UACA: variants seen among roughly 807,000 people sequenced by gnomAD.
The protein encoded by UACA is nuclear membrane binding protein.
Under a neutral mutation model 160.5 loss-of-function variants are expected in UACA, and 112 were observed. The observed-to-expected ratio is 0.70, with a 90% CI of 0.60 to 0.82. UACA has a LOEUF of 0.82. Among genes scored for constraint, UACA ranks in the 40% least tolerant of loss-of-function variants. UACA has a pLI of 0.00. For synonymous variants in UACA, 557 were observed against 568.4 expected, an observed-to-expected ratio of 0.98 and a Z score of 0.29; for missense variants, 1,574 against 1,614.6, an observed-to-expected ratio of 0.97 and a Z score of 0.43.
At chr15:70,745,914 GA>G (rs1352621667) in intron 1 of UACA, among the ~76,000 whole-genome samples, 27 of 152,254 alleles carry the variant, frequency 1.8e-4, no homozygotes, top group African/African-American at 6.3e-4. Flanking sequence ...GCCATATGCG[GA>G]AAACTGGCTA....
intron 1 of UACA, among the ~76,000 whole-genome samples, chr15:70,718,309 GGAGAGA>G (rs367584436): frequency 1.7e-5 from 2 of 115,402 alleles, no homozygotes; most frequent in Non-Finnish European, 3.7e-5. Flanking sequence ...AGAGGGAGAG[GGAGAGA>G]GAGAGAGAAT....
chr15:70,725,202 A>T (rs1322098593), intron 1 of UACA, among the ~76,000 whole-genome samples: 1 of 152,244 alleles, frequency 6.6e-6, no homozygotes, highest in South Asian at 2.1e-4. Context: ...GCATAATGAT[A>T]TAAAAAATCT....
intron 2 of UACA, 86 bp from the exon 3 acceptor site, chr15:70,695,191 C>T (rs942211497): frequency 3.7e-5 from 28 of 765,696 alleles, no homozygotes; most frequent in Non-Finnish European, 5.4e-5. Flanking sequence ...TTTTTCAACA[C>T]ACACACACGC....
chr15:70,769,822 C>A, the UACA span, among the ~76,000 whole-genome samples: 1 of 151,976 alleles, frequency 6.6e-6, no homozygotes. Context: ...TATGGTGAAA[C>A]CCCATCTCTA....
chr15:70,758,437 A>G (rs1258464053), intron 1 of UACA: 4 of 152,160 alleles, frequency 2.6e-5, no homozygotes, highest in South Asian at 2.1e-4. Flanking sequence ...AAGTATCATG[A>G]GTTTAAACTA....
chr15:70,713,136 A>T (rs542077627), intron 1 of UACA, among the ~76,000 whole-genome samples: 1 of 152,268 alleles, frequency 6.6e-6, no homozygotes, highest in South Asian at 2.1e-4. Context: ...TGAGGTCAGG[A>T]GATTGAGACC....
intron 17 of UACA, among the ~76,000 whole-genome samples, chr15:70,662,637 C>G (rs1318477352): frequency 2.6e-5 from 4 of 152,194 alleles, no homozygotes; most frequent in South Asian, 2.1e-4. Context: ...GTAACCAAAA[C>G]AGCATGCTAC....
intron 14 of UACA, 119 bp from the exon 15 acceptor site, chr15:70,671,210 C>T (rs1172656112): frequency 3.3e-6 from 2 of 605,992 alleles, no homozygotes; most frequent in Non-Finnish European, 2.8e-6. Flanking sequence ...AGGTACAACA[C>T]AAAAGTATCC....
intron 1 of UACA, among the ~76,000 whole-genome samples, chr15:70,707,871 C>T (rs372194277): frequency 9.2e-5 from 14 of 152,202 alleles, no homozygotes; most frequent in African/African-American, 2.9e-4. Flanking sequence ...GGTGATTCCT[C>T]GAAAAATTAT....
At chr15:70,672,709 A>G (rs1198372878) in intron 13 of UACA, among the ~76,000 whole-genome samples, 1 of 152,212 alleles carries the variant, frequency 6.6e-6, no homozygotes, top group Non-Finnish European at 1.5e-5. Flanking sequence ...CTGTAATCCC[A>G]GCACTTTGGA....
At position 70,713,151 on chromosome 15, in the gene UACA, T is replaced by C. The variant is rs367749599; in HGVS notation, c.79-13491A>G. ...TGAGGTCAGGAGATTGAGACCATCC[T>C]GGCTAACACAGTGATGTATTTTTAG... is the stretch of plus-strand genomic sequence containing the variant. On this transcript the variant is annotated intron_variant, in intron 1 of 18. Transcript: ENST00000322954. Among the ~76,000 whole-genome samples, 15 of 152,286 alleles carry C rather than the reference T, an allele frequency of 9.8e-5. No homozygotes were observed. The East Asian group carries it at 2.5e-3, about 25-fold the overall frequency.
Position 70,660,413 on chromosome 15 carries a change from G to A in UACA, c.4114-197C>T, listed in dbSNP as rs552796316. 340 of 524,288 alleles carry A rather than the reference G, an allele frequency of 6.5e-4. 1 individual carries two copies. Among genetic ancestry groups the A allele is most frequent in the Admixed American group, 1.3e-3 (34 of 27,118 alleles). The allele number at this position is 524,288 out of a possible 1,614,324, so 32.5% of individuals were successfully genotyped here. A position where few individuals can be genotyped will look rare whatever the true frequency, so the allele number is the denominator to read the frequency against. On this transcript the variant is annotated intron_variant, in intron 17 of 18. Coordinates refer to ENST00000322954, the MANE Select transcript of UACA (RefSeq NM_018003.4). ...TATAAACTTCTGTAAAGAATGTGTGGCTAATGACAGTAATGCTACTTTCCC... is the reference window on the plus strand; with the variant it reads ...TATAAACTTCTGTAAAGAATGTGTGACTAATGACAGTAATGCTACTTTCCC...
At chr15:70,696,031 A>G (rs777620247) in intron 2 of UACA, among the ~76,000 whole-genome samples, 2 of 152,206 alleles carry the variant, frequency 1.3e-5, no homozygotes, top group Non-Finnish European at 2.9e-5. Context: ...TCAAGTAGAA[A>G]TAGAACTGAG....
intron 1 of UACA, chr15:70,703,116 C>T (rs1898422391): frequency 7.8e-7 from 1 of 1,289,136 alleles, no homozygotes; most frequent in Non-Finnish European, 1.0e-6. Context: ...CGATAGCATA[C>T]TTGTATCAAC....
intron 4 of UACA, 35 bp downstream of exon 4, chr15:70,691,264 A>T: frequency 6.8e-7 from 1 of 1,468,968 alleles, no homozygotes; most frequent in Non-Finnish European, 9.3e-7. Context: ...TTGTTGTCAA[A>T]ATAATAAAGC....
chr15:70,749,923 G>C (rs2141010616), intron 1 of UACA, among the ~76,000 whole-genome samples: 1 of 152,232 alleles, frequency 6.6e-6, no homozygotes, highest in South Asian at 2.1e-4. Flanking sequence ...GATATGGACA[G>C]TGCTCTCTCT....
chr15:70,722,635 G>A (rs1566991129), intron 1 of UACA, among the ~76,000 whole-genome samples: 2 of 152,060 alleles, frequency 1.3e-5, no homozygotes, highest in African/African-American at 4.8e-5. Flanking sequence ...TTTGTTATAC[G>A]TCTTTTCAAA....
the UACA span, among the ~76,000 whole-genome samples, chr15:70,775,712 T>A: frequency 2.0e-5 from 3 of 152,216 alleles, no homozygotes; most frequent in South Asian, 2.1e-4. Context: ...ATATAGAGAT[T>A]GTCAGAGTGG....
At chr15:70,708,121 AC>A (rs1472295393) in intron 1 of UACA, among the ~76,000 whole-genome samples, 1 of 152,226 alleles carries the variant, frequency 6.6e-6, no homozygotes, top group Non-Finnish European at 1.5e-5. Flanking sequence ...GTCACATGCT[AC>A]GACATAGATG....
Sources: allele counts gnomAD v4.1 joint callset (sites outside exome capture counted in the v4.1 genomes callset), GRCh38; gene constraint gnomAD v4.1.1; transcripts MANE v1.5; gene names NCBI Gene and HGNC (gene_info 2026-07-23, HGNC 2026-07-21).